Variants in BEND6 observed in about 807,000 individuals in gnomAD.
BEND6 encodes the protein BEN domain containing 6.
A neutral mutation model predicts 31.8 loss-of-function variants in BEND6; 24 were observed. The observed-to-expected ratio is 0.75, with a 90% CI of 0.55 to 1.06. The LOEUF is 1.06. Ranked by LOEUF, BEND6 falls within the 50% of genes least tolerant of loss-of-function variation. The pLI is 0.00. For missense variants in BEND6, 294 were observed against 327.4 expected, an observed-to-expected ratio of 0.90 and a Z score of 0.79; for synonymous variants, 109 against 114.6, an observed-to-expected ratio of 0.95 and a Z score of 0.31.
chr6:56,974,976 G>T (rs753991179), intron 1 of BEND6, among the ~76,000 whole-genome samples: 1 of 152,062 alleles, frequency 6.6e-6, no homozygotes, highest in African/African-American at 2.4e-5. Flanking sequence ...AAAATTAGTC[G>T]GGCATGATGG....
chr6:57,012,409 T>G (rs1827378993), intron 3 of BEND6, among the ~76,000 whole-genome samples: 1 of 152,222 alleles, frequency 6.6e-6, no homozygotes, highest in Non-Finnish European at 1.5e-5. Flanking sequence ...GCCTCTGTGG[T>G]AAGTCCAAGG....
At chr6:56,960,370 T>G (rs185938448) in intron 1 of BEND6, among the ~76,000 whole-genome samples, 2 of 152,318 alleles carry the variant, frequency 1.3e-5, no homozygotes, top group South Asian at 2.1e-4. Flanking sequence ...AGATCCAAGA[T>G]GAAATTTGCC....
chr6:56,997,799 A>T (rs1432908177), intron 3 of BEND6, among the ~76,000 whole-genome samples: 1 of 151,892 alleles, frequency 6.6e-6, no homozygotes, highest in Non-Finnish European at 1.5e-5. Context: ...TGATCCACCC[A>T]CCTCGGCCTC....
chr6:57,015,136 TACC>T lies in BEND6; in HGVS notation c.305_307del (p.Pro102del). The T allele has an allele frequency of 1.2e-6, 2 of 1,613,664 alleles. No individual in the cohort carries two copies. Among genetic ancestry groups the T allele is most frequent in the South Asian group, 2.2e-5 (2 of 91,006 alleles). On this transcript the variant is annotated inframe_deletion, in exon 4 of 7. Coordinates refer to ENST00000370746, the MANE Select transcript of BEND6 (RefSeq NM_152731.3). ...GTACTTTTTCTTGCCATTTTAGTGT[TACC>T]ACAAGCAGTCACCCAGTTTGAAGAA...
chr6:56,960,664 T>G (rs908852977), intron 1 of BEND6, among the ~76,000 whole-genome samples: 2 of 152,208 alleles, frequency 1.3e-5, no homozygotes, highest in Non-Finnish European at 2.9e-5. Flanking sequence ...AATGCACTCA[T>G]AGCCTGAAAA....
chr6:57,018,491 C>G lies in BEND6; in HGVS notation c.783C>G (p.Asn261Lys), dbSNP rs1827638722. Residue 261 changes from asparagine (N) to lysine (K), a missense_variant, in exon 6 of 7, where the codon AAC becomes AAG. Coordinates refer to ENST00000370746, the MANE Select transcript of BEND6 (RefSeq NM_152731.3). ...GGAGAATGATAGGGCAAAAGCTAAA[C>G]AACTGTACCAAGAAGCCAAATTTAA... ...SIRRMIGQKL[N>K]NCTKKPNLSK... 6.3e-7 allele frequency: 1 copy of G among 1,587,390 alleles called. No individual in the cohort carries two copies. Among genetic ancestry groups the G allele is most frequent in the African/African-American group, 1.4e-5 (1 of 73,004 alleles).
chr6:56,993,159 A>G (rs1472839157), intron 3 of BEND6, among the ~76,000 whole-genome samples: 1 of 152,256 alleles, frequency 6.6e-6, no homozygotes, highest in Admixed American at 6.5e-5. Flanking sequence ...TAAGCAAATT[A>G]AAAACTACTT....
At chr6:56,983,167 T>A (rs977676448) in intron 2 of BEND6, among the ~76,000 whole-genome samples, 9 of 152,236 alleles carry the variant, frequency 5.9e-5, no homozygotes, top group Non-Finnish European at 1.2e-4. Flanking sequence ...ACTGTTTTTT[T>A]AAAATAAATT....
chr6:56,993,657 A>G (rs998393251), intron 3 of BEND6, among the ~76,000 whole-genome samples: 2 of 152,236 alleles, frequency 1.3e-5, no homozygotes, highest in African/African-American at 4.8e-5. Context: ...ATGTTATTCA[A>G]TTGACAAGGC....
At chr6:57,005,444 G>A (rs1268233999) in intron 3 of BEND6, among the ~76,000 whole-genome samples, 2 of 152,132 alleles carry the variant, frequency 1.3e-5, no homozygotes, top group East Asian at 3.9e-4. Flanking sequence ...GGGAGGCCAA[G>A]GCGGGTGGAC....
intron 2 of BEND6, among the ~76,000 whole-genome samples, chr6:56,986,692 C>G (rs1826286291): frequency 6.6e-6 from 1 of 152,182 alleles, no homozygotes; most frequent in African/African-American, 2.4e-5. Flanking sequence ...AATTCTTCCC[C>G]TCCTCCACCT....
At chr6:56,972,949 A>G (rs192782043) in intron 1 of BEND6, among the ~76,000 whole-genome samples, 2 of 152,336 alleles carry the variant, frequency 1.3e-5, no homozygotes. Flanking sequence ...TGGCCCTATA[A>G]GATAGACATT....
At chr6:57,008,454 G>T in intron 3 of BEND6, 1 of 547,432 alleles carries the variant, frequency 1.8e-6, no homozygotes, top group Non-Finnish European at 3.2e-6. Flanking sequence ...TAACTGGAGT[G>T]CTATGCAGAC....
chr6:57,015,834 G>A (rs1018784978), intron 4 of BEND6, among the ~76,000 whole-genome samples: 1 of 151,282 alleles, frequency 6.6e-6, no homozygotes, highest in African/African-American at 2.4e-5. Context: ...AAAAGAAGAG[G>A]CATAAGGCGC....
intron 1 of BEND6, among the ~76,000 whole-genome samples, chr6:56,959,962 C>G (rs1825231388): frequency 1.3e-5 from 2 of 152,084 alleles, no homozygotes; most frequent in Admixed American, 1.3e-4. Flanking sequence ...GGTGTGTGAG[C>G]ATTACAGACT....
At position 56,991,595 on chromosome 6, in the gene BEND6, A is replaced by G. The variant is rs568330220; in HGVS notation, c.121-783A>G. 2.6e-5 allele frequency among the ~76,000 whole-genome samples: 4 copies of G among 152,218 alleles called. No individual in the cohort carries two copies. In the East Asian group the frequency reaches 7.7e-4, roughly 29 times the overall value. ...CAGGCTGTCTTGACCCCCTGGGCTC[A>G]GGTGATCCACCCTCCTTGGTCTCCC... On this transcript the variant is annotated intron_variant, in intron 2 of 6. Coordinates refer to ENST00000370746, the MANE Select transcript of BEND6 (RefSeq NM_152731.3).
chr6:57,021,940 C>G (rs1477990226), intron 6 of BEND6, among the ~76,000 whole-genome samples: 1 of 152,118 alleles, frequency 6.6e-6, no homozygotes, highest in Non-Finnish European at 1.5e-5. Flanking sequence ...GGTGGTACTT[C>G]TGGCATCCGG....
rs74651977 is a variant in BEND6, at chr6:56,995,897, T to C, written c.298+3342T>C. ...CAATAGTCATTTATCACTTGTCATC[T>C]TAAGTGCCCTGTTACCAGCATTTTG... On this transcript the variant is annotated intron_variant, in intron 3 of 6. Transcript: ENST00000370746. Among the ~76,000 whole-genome samples the C allele has an allele frequency of 9.1e-3, 1,387 of 152,334 alleles. 20 individuals carry two copies. The highest frequency in any genetic ancestry group is 0.03 in the African/African-American group (1,250 of 41,572).
intron 1 of BEND6, among the ~76,000 whole-genome samples, chr6:56,978,165 C>A (rs1825955559): frequency 6.6e-6 from 1 of 151,730 alleles, no homozygotes; most frequent in South Asian, 2.1e-4. Flanking sequence ...TGCCTGTAGC[C>A]CCAGCTACTC....
Sources: gnomAD v4.1 joint callset for allele counts (sites outside exome capture counted in the v4.1 genomes callset) on GRCh38, gnomAD v4.1.1 for gene constraint, MANE v1.5 for transcripts, NCBI Gene and HGNC (gene_info 2026-07-23, HGNC 2026-07-21) for gene names.